The following ZPBP variants were observed in gnomAD, a reference collection of about 807,000 sequenced individuals.
ZPBP encodes the protein zona pellucida-binding protein 1.
Under a neutral mutation model 44.8 loss-of-function variants are expected in ZPBP, and 26 were observed. The ratio of observed to expected loss-of-function variants is 0.58; its 90% confidence interval spans 0.43 to 0.81. The LOEUF is 0.81. ZPBP is among the 30% of genes least tolerant of loss of function. The probability of loss-of-function intolerance (pLI) is 0.00; values close to 1 mark genes in which losing one functional copy is unlikely to be tolerated. For missense variants in ZPBP, 409 were observed against 434.0 expected (o/e 0.94, Z 0.51); for synonymous variants, 174 against 153.2 (o/e 1.14, Z -1.00).
intron 3 of ZPBP, among the ~76,000 whole-genome samples, chr7:50,062,365 A>C (rs906579656): frequency 6.6e-6 from 1 of 152,216 alleles, no homozygotes; most frequent in African/African-American, 2.4e-5. Flanking sequence ...TGGAACAGCC[A>C]AAGTAATCCT....
At chr7:50,075,556 AATGAAAAAGGAGACATT>A (rs1415415945) in intron 3 of ZPBP, among the ~76,000 whole-genome samples, 6 of 151,960 alleles carry the variant, frequency 3.9e-5, no homozygotes, top group Admixed American at 3.9e-4. Flanking sequence ...TAAAGTCAGA[AATGAAAAAGGAGACATT>A]ATGACTGATA....
At chr7:50,042,930 C>A (rs1467111020) in intron 4 of ZPBP, among the ~76,000 whole-genome samples, 1 of 152,186 alleles carries the variant, frequency 6.6e-6, no homozygotes, top group Non-Finnish European at 1.5e-5. Context: ...TGGTCATAAA[C>A]TGGCCCCAAA....
At chr7:50,026,440 CA>C in intron 5 of ZPBP, among the ~76,000 whole-genome samples, 1 of 151,554 alleles carries the variant, frequency 6.6e-6, no homozygotes, top group East Asian at 1.9e-4. Flanking sequence ...ACAATATACA[CA>C]GGACCCTCCA....
intron 2 of ZPBP, among the ~76,000 whole-genome samples, chr7:49,891,176 A>G (rs1402789985): frequency 6.6e-6 from 1 of 152,210 alleles, no homozygotes; most frequent in Non-Finnish European, 1.5e-5. Context: ...ACAAATATGG[A>G]CCCTATAAAT....
chr7:49,947,606 G>A lies in ZPBP; in HGVS notation c.962-9984C>T, dbSNP rs1028625865. On this transcript the variant is annotated intron_variant, in intron 7 of 7. Coordinates refer to ENST00000046087, the MANE Select transcript of ZPBP (RefSeq NM_007009.3). ...TGAGCTGACTGGAACAAGAGGAGGG[G>A]TGAATCAGGCACCCTGTGGCAACCA... Among the ~76,000 whole-genome samples, 12 of 152,206 alleles carry A rather than the reference G, an allele frequency of 7.9e-5. 1 individual carries two copies. Among genetic ancestry groups the A allele is most frequent in the African/African-American group, 2.2e-4 (9 of 41,468 alleles).
At chr7:50,028,552 C>T (rs534565423) in intron 5 of ZPBP, among the ~76,000 whole-genome samples, 1 of 151,476 alleles carries the variant, frequency 6.6e-6, no homozygotes, top group Non-Finnish European at 1.5e-5. Context: ...TTGCTATCCA[C>T]AGACAACATG....
intron 1 of ZPBP, 143 bp downstream of exon 1, chr7:50,092,925 A>G (rs1803064964): frequency 4.7e-6 from 6 of 1,287,470 alleles, no homozygotes; most frequent in Admixed American, 3.2e-5. Flanking sequence ...ACTTCCATAA[A>G]AAATAAGCCT....
intron 1 of ZPBP, among the ~76,000 whole-genome samples, chr7:49,931,075 A>G (rs750816204): frequency 3.3e-5 from 5 of 152,166 alleles, no homozygotes; most frequent in Non-Finnish European, 7.4e-5. Flanking sequence ...GTAAGATGTG[A>G]CTTTGCTCCT....
chr7:49,923,984 A>G (rs1481883920), intron 1 of ZPBP, among the ~76,000 whole-genome samples: 1 of 152,122 alleles, frequency 6.6e-6, no homozygotes, highest in African/African-American at 2.4e-5. Flanking sequence ...TTAGCTGGGC[A>G]TGATGGCAGG....
chr7:49,924,110 G>A (rs913345878), intron 1 of ZPBP, among the ~76,000 whole-genome samples: 6 of 151,014 alleles, frequency 4.0e-5, no homozygotes, highest in African/African-American at 1.2e-4. Context: ...GTGACAGAGC[G>A]AGACTCTGTC....
chr7:49,960,475 A>C (rs1795820756), intron 7 of ZPBP, among the ~76,000 whole-genome samples: 1 of 152,146 alleles, frequency 6.6e-6, no homozygotes. Flanking sequence ...GAGTAAGATA[A>C]GGTGTATTAG....
At chr7:49,855,766 G>C (rs2128718272) in intron 2 of ZPBP, among the ~76,000 whole-genome samples, 1 of 152,274 alleles carries the variant, frequency 6.6e-6, no homozygotes, top group East Asian at 1.9e-4. Context: ...TGCCTCCCCA[G>C]AAGCCAGCCC....
At chr7:49,943,492 C>A (rs1412351297) in intron 7 of ZPBP, 2 of 443,890 alleles carry the variant, frequency 4.5e-6, no homozygotes, top group African/African-American at 4.1e-5. Flanking sequence ...GCCAATGAAC[C>A]CAACACTCAT....
intron 2 of ZPBP, among the ~76,000 whole-genome samples, chr7:49,876,406 T>C (rs973145541): frequency 6.6e-6 from 1 of 152,146 alleles, no homozygotes; most frequent in African/African-American, 2.4e-5. Flanking sequence ...CGTTTCCACA[T>C]CTATAGTGTG....
At chr7:50,040,465 T>C (rs138765472) in intron 4 of ZPBP, among the ~76,000 whole-genome samples, 1,951 of 152,250 alleles carry the variant, frequency 0.013, 35 homozygotes, top group African/African-American at 0.044. Context: ...CTGAGGTACC[T>C]GGTTCATCTC....
chr7:49,911,417 G>C (rs957222557), intron 1 of ZPBP, among the ~76,000 whole-genome samples: 1 of 147,206 alleles, frequency 6.8e-6, no homozygotes, highest in South Asian at 2.2e-4. Flanking sequence ...CGGAGGCAGA[G>C]GTTGCAGTGA....
At chr7:50,015,082 C>G (rs1798761215) in intron 6 of ZPBP, among the ~76,000 whole-genome samples, 1 of 151,988 alleles carries the variant, frequency 6.6e-6, no homozygotes, top group Admixed American at 6.6e-5. Context: ...ATATACTGTT[C>G]TTATACTATC....
intron 1 of ZPBP, among the ~76,000 whole-genome samples, chr7:49,931,041 G>A (rs879865517): frequency 6.6e-5 from 10 of 152,178 alleles, no homozygotes; most frequent in Non-Finnish European, 1.3e-4. Context: ...GCTCTGCTGC[G>A]CATGCTCTCT....
the ZPBP span, among the ~76,000 whole-genome samples, chr7:49,841,542 T>C: frequency 6.6e-6 from 1 of 152,342 alleles, no homozygotes; most frequent in Non-Finnish European, 1.5e-5. Flanking sequence ...TTAACTGTTA[T>C]AGTGCATATA....
Sources: allele counts gnomAD v4.1 joint callset (sites outside exome capture counted in the v4.1 genomes callset), GRCh38; gene constraint gnomAD v4.1.1; transcripts MANE v1.5; gene names NCBI Gene and HGNC (gene_info 2026-07-23, HGNC 2026-07-21).